COMMD1: variants seen among roughly 807,000 people sequenced by gnomAD.
The protein encoded by COMMD1 is COMM domain-containing protein 1.
A neutral mutation model predicts 17.2 loss-of-function variants in COMMD1; 10 were observed. That is an observed-to-expected ratio of 0.58 (90% confidence interval 0.36 to 0.99). The LOEUF (loss-of-function observed/expected upper bound fraction) is 0.99, where lower values mean the gene tolerates loss of function less well. Among genes scored for constraint, COMMD1 ranks in the 50% least tolerant of loss-of-function variants. COMMD1 has a pLI of 0.01. For missense variants in COMMD1, 270 were observed against 231.8 expected, an observed-to-expected ratio of 1.17 and a Z score of -1.07; for synonymous variants, 97 against 91.6, an observed-to-expected ratio of 1.06 and a Z score of -0.34.
intron 2 of COMMD1, among the ~76,000 whole-genome samples, chr2:62,105,632 T>TG (rs748928073): frequency 5.3e-5 from 8 of 152,190 alleles, no homozygotes; most frequent in Non-Finnish European, 1.0e-4. Context: ...GAGACAAGCC[T>TG]GACCAACATG....
chr2:62,130,896 T>C (rs1323367303), intron 2 of COMMD1, among the ~76,000 whole-genome samples: 1 of 152,240 alleles, frequency 6.6e-6, no homozygotes, highest in Non-Finnish European at 1.5e-5. Flanking sequence ...TGTAAACTAA[T>C]AATCAATTAT....
chr2:62,059,480 T>C (rs1364720187), intron 2 of COMMD1, among the ~76,000 whole-genome samples: 1 of 152,132 alleles, frequency 6.6e-6, no homozygotes, highest in Non-Finnish European at 1.5e-5. Context: ...GAAATGTCAG[T>C]CTTTATTTCT....
intron 2 of COMMD1, among the ~76,000 whole-genome samples, chr2:62,063,830 C>T (rs1485039552): frequency 2.9e-5 from 4 of 136,568 alleles, no homozygotes; most frequent in Non-Finnish European, 6.2e-5. Flanking sequence ...GTAATATATT[C>T]TTCCAGACTG....
chr2:62,070,580 AG>A (rs1671172919), intron 2 of COMMD1, among the ~76,000 whole-genome samples: 1 of 151,914 alleles, frequency 6.6e-6, no homozygotes. Flanking sequence ...AAAAGATAAA[AG>A]AAAAGGAAAC....
intron 2 of COMMD1, 158 bp downstream of exon 2, chr2:62,001,140 C>G (rs1347331109): frequency 1.3e-6 from 1 of 754,504 alleles, no homozygotes; most frequent in African/African-American, 1.7e-5. Flanking sequence ...AATTTGGATA[C>G]TCTCACTTGT....
chr2:62,123,586 A>G (rs1255731171), intron 2 of COMMD1, among the ~76,000 whole-genome samples: 2 of 151,768 alleles, frequency 1.3e-5, no homozygotes, highest in East Asian at 1.9e-4. Flanking sequence ...GAAGGAAGGC[A>G]TGGAGGGTAT....
At chr2:62,029,263 A>G (rs10176276) in intron 2 of COMMD1, among the ~76,000 whole-genome samples, 19,816 of 152,118 alleles carry the variant, frequency 0.13, 3,195 homozygotes, top group African/African-American at 0.38. Context: ...TTACAAGCCC[A>G]AGAATACAAC....
At chr2:62,086,532 C>G (rs1013319595) in intron 2 of COMMD1, among the ~76,000 whole-genome samples, 26 of 151,198 alleles carry the variant, frequency 1.7e-4, no homozygotes, top group African/African-American at 6.3e-4. Flanking sequence ...AAAAAATTGT[C>G]TTCTGTTTCT....
intron 2 of COMMD1, among the ~76,000 whole-genome samples, chr2:62,094,474 A>G (rs1438198549): frequency 6.6e-6 from 1 of 152,222 alleles, no homozygotes; most frequent in Non-Finnish European, 1.5e-5. Context: ...GATTGTCACC[A>G]TATTTTGTTG....
intron 2 of COMMD1, among the ~76,000 whole-genome samples, chr2:62,035,317 C>G (rs920427284): frequency 1.3e-5 from 2 of 152,204 alleles, no homozygotes; most frequent in African/African-American, 4.8e-5. Context: ...CAAAGCTCAA[C>G]TGAAAACTGC....
At chr2:61,912,625 C>T (rs1669932859) in intron 1 of COMMD1, among the ~76,000 whole-genome samples, 1 of 151,908 alleles carries the variant, frequency 6.6e-6, no homozygotes. Context: ...GTCCCAGCTA[C>T]TCAGGAGGCT....
intron 2 of COMMD1, among the ~76,000 whole-genome samples, chr2:62,045,917 A>G (rs1670372327): frequency 6.6e-6 from 1 of 150,502 alleles, no homozygotes; most frequent in African/African-American, 2.4e-5. Flanking sequence ...TTGTATTTTC[A>G]GTAGAGACGG....
At chr2:62,045,951 G>C (rs1386648389) in intron 2 of COMMD1, among the ~76,000 whole-genome samples, 1 of 151,952 alleles carries the variant, frequency 6.6e-6, no homozygotes, top group Non-Finnish European at 1.5e-5. Context: ...TGGCCAGGCT[G>C]GTCTCAAACT....
intron 2 of COMMD1, among the ~76,000 whole-genome samples, chr2:62,051,828 G>T (rs1229997733): frequency 6.6e-6 from 1 of 152,176 alleles, no homozygotes; most frequent in African/African-American, 2.4e-5. Context: ...CATGTATTCT[G>T]TACAGTTACC....
chr2:62,131,308 A>G (rs1673028746), intron 2 of COMMD1, among the ~76,000 whole-genome samples: 1 of 152,182 alleles, frequency 6.6e-6, no homozygotes, highest in African/African-American at 2.4e-5. Flanking sequence ...TCTACTCCAT[A>G]CTGCATCCTT....
In COMMD1 at chr2:61,921,193, C is replaced by G. The variant is rs566564453; in HGVS notation, c.180+15335C>G. On this transcript the variant is annotated intron_variant, in intron 1 of 2. Coordinates refer to ENST00000311832, the MANE Select transcript of COMMD1 (RefSeq NM_152516.4). ...CCATATTGGCCAGGCTAATCTCGAACTCCTGACCTCAAGAGATCCACCCAC... is the reference window on the plus strand; with the variant it reads ...CCATATTGGCCAGGCTAATCTCGAAGTCCTGACCTCAAGAGATCCACCCAC... Among the ~76,000 whole-genome samples the G allele has an allele frequency of 2.0e-5, 3 of 152,030 alleles. No individual in the cohort carries two copies. In the Middle Eastern group the frequency reaches 0.01, roughly 517 times the overall value.
chr2:61,891,883 G>GT (rs1669440353), intron 1 of COMMD1, among the ~76,000 whole-genome samples: 1 of 151,288 alleles, frequency 6.6e-6, no homozygotes, highest in African/African-American at 2.4e-5. Context: ...CCAGGCTGGA[G>GT]TGCAGTGGCA....
chr2:61,930,854 A>G (rs1319322780), intron 1 of COMMD1, among the ~76,000 whole-genome samples: 3 of 152,026 alleles, frequency 2.0e-5, no homozygotes, highest in East Asian at 3.9e-4. Context: ...TTCAGATATG[A>G]TAAGTGTTAG....
chr2:62,010,834 G>A lies in COMMD1; in HGVS notation c.462+9852G>A, dbSNP rs145426798. ...AGATTATAACATCCTCCTAACCGAT[G>A]TCTCTGTTTCTGCTTTTCAGTCTGT... On this transcript the variant is annotated intron_variant, in intron 2 of 2. Coordinates refer to ENST00000311832, the MANE Select transcript of COMMD1 (RefSeq NM_152516.4). Among the ~76,000 whole-genome samples, 5 of 152,268 alleles carry A rather than the reference G, an allele frequency of 3.3e-5. No homozygotes were observed. In the East Asian group the frequency reaches 9.7e-4, roughly 29 times the overall value.
Sources: allele counts gnomAD v4.1 joint callset (sites outside exome capture counted in the v4.1 genomes callset), GRCh38; gene constraint gnomAD v4.1.1; transcripts MANE v1.5; gene names NCBI Gene and HGNC (gene_info 2026-07-23, HGNC 2026-07-21).